RAB1A: variants seen among roughly 807,000 people sequenced by gnomAD.
The protein encoded by RAB1A is ras-related protein Rab-1A.
Under a neutral mutation model 26.0 loss-of-function variants are expected in RAB1A, and 2 were observed. The observed-to-expected ratio is 0.08, with a 90% CI of 0.03 to 0.24. The LOEUF (loss-of-function observed/expected upper bound fraction) is 0.24. RAB1A is among the 10% of genes least tolerant of loss of function. RAB1A has a pLI of 1.00. For missense variants in RAB1A, 100 were observed against 247.0 expected (o/e 0.40, Z 3.99); for synonymous variants, 84 against 84.9 (o/e 0.99, Z 0.06).
intron 1 of RAB1A, among the ~76,000 whole-genome samples, chr2:65,110,180 G>A (rs4671116): frequency 0.66 from 99,855 of 151,978 alleles, 33,024 homozygotes; most frequent in Non-Finnish European, 0.69. Context: ...GGTGGCTCAC[G>A]CCTGTAATCC....
At position 65,087,841 on chromosome 2, in the gene RAB1A, A is replaced by G. The variant is rs1241866934; in HGVS notation, c.*652T>C. ...AAGGCTCTATTTCCCTTTAACCATA[A>G]GAATCAAAACAATACTTATCACCAT... On this transcript the variant is annotated 3_prime_UTR_variant, in exon 6 of 6. Transcript: ENST00000409784. 2 of 152,710 alleles carry G rather than the reference A, an allele frequency of 1.3e-5. No individual in the cohort carries two copies. Among genetic ancestry groups the G allele is most frequent in the African/African-American group, 2.4e-5 (1 of 41,466 alleles). The allele number at this position is 152,710 out of a possible 1,614,324, so 9.5% of individuals were successfully genotyped here.
chr2:65,095,056 A>AT (rs1669250964), intron 3 of RAB1A, among the ~76,000 whole-genome samples: 5 of 152,236 alleles, frequency 3.3e-5, no homozygotes, highest in Admixed American at 2.6e-4. Flanking sequence ...TGTCTCTAAA[A>AT]GAATCATGTA....
chr2:65,113,427 G>A lies in RAB1A; in HGVS notation c.24-8621C>T, dbSNP rs532684105. The stretch of plus-strand genomic sequence containing the variant: ...AGGCTGAGGCAGGAGGGTAACTTGA[G>A]CCCAGGAGTTCAAGGTTGCAGTGAG... On this transcript the variant is annotated intron_variant, in intron 1 of 5. Transcript: ENST00000409784. Among the ~76,000 whole-genome samples, 15 of 152,222 alleles carry A rather than the reference G, an allele frequency of 9.9e-5. No individual in the cohort carries two copies. In the South Asian group the frequency reaches 3.1e-3, roughly 32 times the overall value.
chr2:65,093,751 T>C (rs1669222874), intron 3 of RAB1A, among the ~76,000 whole-genome samples: 2 of 151,574 alleles, frequency 1.3e-5, no homozygotes, highest in South Asian at 2.1e-4. Flanking sequence ...GCCTCCCAAG[T>C]AGCTGGGATT....
intron 1 of RAB1A, among the ~76,000 whole-genome samples, chr2:65,128,150 T>C (rs899656770): frequency 6.6e-5 from 10 of 152,296 alleles, no homozygotes; most frequent in African/African-American, 2.4e-4. Context: ...TTTCAAATTC[T>C]TTTATATACA....
chr2:65,129,926 C>T lies in RAB1A; in HGVS notation c.-11G>A. 1.3e-6 allele frequency: 2 copies of T among 1,585,504 alleles called. No individual in the cohort carries two copies. The highest frequency in any genetic ancestry group is 1.1e-5 in the South Asian group (1 of 87,134). ...ATTCATGCTGGACATGTCACTGCAG[C>T]TGCCGCCGCCGCCACCGCCGCCCTT... On this transcript the variant is annotated 5_prime_UTR_variant, in exon 1 of 6. Transcript: ENST00000409784.
chr2:65,109,390 A>T (rs991515782), intron 1 of RAB1A, among the ~76,000 whole-genome samples: 26 of 152,176 alleles, frequency 1.7e-4, no homozygotes, highest in Admixed American at 3.9e-4. Flanking sequence ...AAAAAAACTA[A>T]ATTATGCTAG....
At chr2:65,128,043 ACTT>A (rs1372472585) in intron 1 of RAB1A, among the ~76,000 whole-genome samples, 3 of 152,098 alleles carry the variant, frequency 2.0e-5, no homozygotes, top group African/African-American at 7.2e-5. Context: ...CTATATCTAA[ACTT>A]CTTAAGCGCA....
intron 2 of RAB1A, among the ~76,000 whole-genome samples, chr2:65,099,339 G>C (rs1047933114): frequency 2.0e-5 from 3 of 151,914 alleles, no homozygotes; most frequent in Admixed American, 6.6e-5. Context: ...ACTGCTTCTT[G>C]CAAGTACCTG....
At chr2:65,105,217 A>T (rs1355450445) in intron 1 of RAB1A, among the ~76,000 whole-genome samples, 7 of 152,046 alleles carry the variant, frequency 4.6e-5, no homozygotes, top group Non-Finnish European at 8.8e-5. Flanking sequence ...TCAAATTCTA[A>T]GATCAGGCCA....
At chr2:65,106,430 G>T in intron 1 of RAB1A, 1 of 340,234 alleles carries the variant, frequency 2.9e-6, no homozygotes. Flanking sequence ...TGCCAAAGAA[G>T]AGAGGATATA....
At chr2:65,106,308 T>C in intron 1 of RAB1A, 1 of 275,072 alleles carries the variant, frequency 3.6e-6, no homozygotes, top group Non-Finnish European at 7.3e-6. Flanking sequence ...TATTTTGTCC[T>C]TTTTGATTTA....
At chr2:65,094,828 T>G (rs62140402) in intron 3 of RAB1A, among the ~76,000 whole-genome samples, 4,565 of 152,284 alleles carry the variant, frequency 0.03, 105 homozygotes, top group Middle Eastern at 0.11. Flanking sequence ...ATTTATAAAA[T>G]GTAAGAATAA....
intron 1 of RAB1A, chr2:65,106,365 A>G: frequency 3.0e-6 from 1 of 333,324 alleles, no homozygotes; most frequent in South Asian, 2.2e-5. Context: ...ATTTAGATTA[A>G]AATTATTTAC....
Position 65,104,717 on chromosome 2 carries a change from T to C in RAB1A, c.96+17A>G. ...AATTGTACCATTAATTGTAAAGACA[T>C]TTCAATTTCAACTTACTGCAAACCT... On this transcript the variant is annotated intron_variant, in intron 2 of 5. Coordinates refer to ENST00000409784, the MANE Select transcript of RAB1A (RefSeq NM_004161.5). 1.3e-6 allele frequency: 2 copies of C among 1,524,892 alleles called. No homozygotes were observed. Among genetic ancestry groups the C allele is most frequent in the Non-Finnish European group, 1.8e-6 (2 of 1,116,606 alleles). 94.5% of individuals were successfully genotyped at this position (1,524,892 alleles called of 1,614,324 possible).
chr2:65,105,143 A>G (rs899295598), intron 1 of RAB1A, among the ~76,000 whole-genome samples: 3 of 152,184 alleles, frequency 2.0e-5, no homozygotes, highest in African/African-American at 7.2e-5. Flanking sequence ...CCACTCCTCT[A>G]TAGTATTAGA....
At chr2:65,110,232 G>A (rs569858543) in intron 1 of RAB1A, among the ~76,000 whole-genome samples, 2 of 152,150 alleles carry the variant, frequency 1.3e-5, no homozygotes, top group East Asian at 3.9e-4. Context: ...ACGAGGTCAG[G>A]AGATCGAGAC....
At chr2:65,088,781 C>T in intron 5 of RAB1A, 91 bp from the exon 6 acceptor site, 1 of 1,336,422 alleles carries the variant, frequency 7.5e-7, no homozygotes, top group Non-Finnish European at 1.0e-6. Context: ...GCGTGAGGAA[C>T]TAAGTTCATT....
intron 2 of RAB1A, among the ~76,000 whole-genome samples, chr2:65,104,337 G>A (rs755402948): frequency 6.6e-6 from 1 of 152,032 alleles, no homozygotes; most frequent in Non-Finnish European, 1.5e-5. Context: ...AGCTGAGACT[G>A]CAGGCATGAT....
Sources: gnomAD v4.1 joint callset for allele counts (sites outside exome capture counted in the v4.1 genomes callset) on GRCh38, gnomAD v4.1.1 for gene constraint, MANE v1.5 for transcripts, NCBI Gene and HGNC (gene_info 2026-07-23, HGNC 2026-07-21) for gene names.